ATP13A5: variants seen among roughly 807,000 people sequenced by gnomAD.
ATP13A5 encodes the protein probable cation-transporting ATPase 13A5.
Under a neutral mutation model 150.2 loss-of-function variants are expected in ATP13A5, and 149 were observed. The ratio of observed to expected loss-of-function variants is 0.99; its 90% CI spans 0.87 to 1.14. The LOEUF (loss-of-function observed/expected upper bound fraction) is 1.14, where lower values mean the gene tolerates loss of function less well. Among genes scored for constraint, ATP13A5 ranks in the 50% most tolerant of loss-of-function variants. The pLI is 0.00. For missense variants in ATP13A5, 1,383 were observed against 1,449.3 expected, an observed-to-expected ratio of 0.95 and a Z score of 0.74; for synonymous variants, 497 against 522.2, an observed-to-expected ratio of 0.95 and a Z score of 0.66.
chr3:193,332,861 A>C (rs1316351287), intron 11 of ATP13A5, among the ~76,000 whole-genome samples: 1 of 152,082 alleles, frequency 6.6e-6, no homozygotes, highest in Non-Finnish European at 1.5e-5. Context: ...AAATACTGCC[A>C]GGGCTTCCAT....
chr3:193,338,764 G>A (rs998515633), intron 9 of ATP13A5, among the ~76,000 whole-genome samples: 4 of 152,136 alleles, frequency 2.6e-5, no homozygotes, highest in African/African-American at 9.7e-5. Flanking sequence ...GAGTTAGGGA[G>A]GATTCCCTCT....
intron 7 of ATP13A5, among the ~76,000 whole-genome samples, chr3:193,349,067 C>A (rs1712464350): frequency 6.6e-6 from 1 of 152,128 alleles, no homozygotes; most frequent in African/African-American, 2.4e-5. Flanking sequence ...AATGTGGGCG[C>A]CTATTGTAAA....
chr3:193,305,401 T>C lies in ATP13A5; in HGVS notation c.2678+158A>G, dbSNP rs184532214. Among the ~76,000 whole-genome samples, 90 of 152,310 alleles carry C rather than the reference T, an allele frequency of 5.9e-4. 1 individual carries two copies. The highest frequency in any genetic ancestry group is 5.9e-3 in the Admixed American group (90 of 15,296). On this transcript the variant is annotated intron_variant, in intron 23 of 29. Transcript: ENST00000342358. ...TTTCTGTGGCTTTTACCAGCACTCT[T>C]GAGTAACACTAATGGCCCCCTTCAT... is the stretch of plus-strand genomic sequence containing the variant.
chr3:193,280,680 G>T (rs1244504668), intron 27 of ATP13A5, among the ~76,000 whole-genome samples: 1 of 152,152 alleles, frequency 6.6e-6, no homozygotes, highest in Non-Finnish European at 1.5e-5. Flanking sequence ...TCCTCTGTCA[G>T]AGCCTTTAGC....
chr3:193,367,997 G>A (rs1713295397), intron 1 of ATP13A5, among the ~76,000 whole-genome samples: 2 of 150,934 alleles, frequency 1.3e-5, no homozygotes, highest in South Asian at 2.1e-4. Flanking sequence ...AAAGGGAAGG[G>A]GAGGGGAGGG....
At chr3:193,307,390 A>C (rs1577339408) in intron 21 of ATP13A5, 21 bp from the exon 22 acceptor site, 1 of 1,613,350 alleles carries the variant, frequency 6.2e-7, no homozygotes, top group Middle Eastern at 1.7e-4. Flanking sequence ...CAGGAGAAGA[A>C]GGATTAATAG....
At position 193,274,880 on chromosome 3, in the gene ATP13A5, C is replaced by G. The variant is rs1446980779; in HGVS notation, c.*162G>C. 1 of 948,506 alleles carries G rather than the reference C, an allele frequency of 1.1e-6. No homozygotes were observed. The highest frequency in any genetic ancestry group is 1.6e-6 in the Non-Finnish European group (1 of 626,816). 58.8% of individuals were successfully genotyped at this position (948,506 alleles called of 1,614,324 possible). ...GGTAAAGCATACAGTCAGAATAAGC[C>G]TATCTAAGGTCCCTTGCTGCAAGGT... On this transcript the variant is annotated 3_prime_UTR_variant, in exon 30 of 30. Transcript: ENST00000342358.
intron 7 of ATP13A5, among the ~76,000 whole-genome samples, chr3:193,348,285 T>C (rs1030140924): frequency 3.3e-5 from 5 of 152,312 alleles, no homozygotes; most frequent in Admixed American, 2.6e-4. Context: ...TTGCATATCG[T>C]TATTATTCAG....
chr3:193,362,702 G>A lies in ATP13A5; in HGVS notation c.385-65C>T. 5.6e-6 allele frequency: 8 copies of A among 1,430,444 alleles called. No homozygotes were observed. The South Asian group carries it at 8.0e-5, about 14-fold the overall frequency. 88.6% of individuals were successfully genotyped at this position (1,430,444 alleles called of 1,614,324 possible). ...CATAAAGCTCACTGGGAGAGGGAGTGGTGTCCAATGCAGGATGCAGATCCC... is the reference window on the plus strand; with the variant it reads ...CATAAAGCTCACTGGGAGAGGGAGTAGTGTCCAATGCAGGATGCAGATCCC... On this transcript the variant is annotated intron_variant, in intron 3 of 29. Coordinates refer to ENST00000342358, the MANE Select transcript of ATP13A5 (RefSeq NM_198505.4).
At chr3:193,288,505 G>T (rs1252666380) in intron 26 of ATP13A5, among the ~76,000 whole-genome samples, 2 of 151,992 alleles carry the variant, frequency 1.3e-5, no homozygotes, top group African/African-American at 4.8e-5. Flanking sequence ...ATGATCATTA[G>T]AATTTTTTAG....
intron 1 of ATP13A5, among the ~76,000 whole-genome samples, chr3:193,373,217 C>A (rs765444501): frequency 6.6e-6 from 1 of 152,182 alleles, no homozygotes; most frequent in African/African-American, 2.4e-5. Flanking sequence ...CGGCTCACTG[C>A]AACCTCTGCC....
Position 193,366,007 on chromosome 3 carries a change from C to G in ATP13A5, c.64-1727G>C, listed in dbSNP as rs140677759. Reference sequence around the variant, plus strand: ...AGTAATTCTTCATTTGAAAATATGCCCTAATGAAATAATATCTAAATGAGA... The same window carrying G: ...AGTAATTCTTCATTTGAAAATATGCGCTAATGAAATAATATCTAAATGAGA... On this transcript the variant is annotated intron_variant, in intron 1 of 29. Transcript: ENST00000342358. 5.7e-4 allele frequency among the ~76,000 whole-genome samples: 86 copies of G among 151,954 alleles called. No individual in the cohort carries two copies. In the East Asian group the frequency reaches 0.017, roughly 29 times the overall value.
At position 193,314,095 on chromosome 3, in the gene ATP13A5, A is replaced by G. The variant is rs1560127973; in HGVS notation, c.2257T>C (p.Phe753Leu). Reference sequence around the variant, plus strand: ...TGCCAGGTCACAGAGGCAGGAACAAATTCTTCTGGTTCATCGGCCTCAACA... The same window carrying G: ...TGCCAGGTCACAGAGGCAGGAACAAGTTCTTCTGGTTCATCGGCCTCAACA... ...IIVEADEPEE[F>L]VPASVTWQLV... Residue 753 changes from phenylalanine (F) to leucine (L), a missense_variant, in exon 19 of 30, where the codon TTT becomes CTT. Physicochemically the swap from Phe to Leu is conservative, Grantham distance 22. Coordinates refer to ENST00000342358, the MANE Select transcript of ATP13A5 (RefSeq NM_198505.4). 1 of 1,613,930 alleles carries G rather than the reference A, an allele frequency of 6.2e-7. No individual in the cohort carries two copies. Among genetic ancestry groups the G allele is most frequent in the Admixed American group, 1.7e-5 (1 of 60,014 alleles).
chr3:193,299,207 A>G lies in ATP13A5; in HGVS notation c.2776-4T>C. The G allele has an allele frequency of 6.2e-7, 1 of 1,603,382 alleles. No individual in the cohort carries two copies. ...AATTTCCAAAGAGTTGTAGTTGCTG[A>G]AAAAGAAACAAAAGCAAATATAAAT... On this transcript the variant is annotated splice_polypyrimidine_tract_variant and splice_region_variant and intron_variant, in intron 24 of 29. Coordinates refer to ENST00000342358, the MANE Select transcript of ATP13A5 (RefSeq NM_198505.4).
chr3:193,364,665 C>T (rs2108581177), intron 1 of ATP13A5, among the ~76,000 whole-genome samples: 1 of 151,984 alleles, frequency 6.6e-6, no homozygotes, highest in African/African-American at 2.4e-5. Flanking sequence ...AAAATTCCTA[C>T]AATATGAATT....
chr3:193,284,374 T>C (rs1311258336), intron 27 of ATP13A5, among the ~76,000 whole-genome samples: 1 of 152,118 alleles, frequency 6.6e-6, no homozygotes, highest in Non-Finnish European at 1.5e-5. Context: ...TAAAAAACTC[T>C]ACTTAAATTA....
At chr3:193,325,871 C>A (rs1208511717) in intron 13 of ATP13A5, among the ~76,000 whole-genome samples, 1 of 152,164 alleles carries the variant, frequency 6.6e-6, no homozygotes, top group Non-Finnish European at 1.5e-5. Context: ...GTACCAGAGA[C>A]AAGGGAGGAA....
chr3:193,288,859 T>A (rs1717830351), intron 26 of ATP13A5, among the ~76,000 whole-genome samples: 2 of 152,052 alleles, frequency 1.3e-5, no homozygotes, highest in Non-Finnish European at 2.9e-5. Flanking sequence ...GTATGGCACA[T>A]CTAGTTAGTG....
chr3:193,346,820 A>C (rs550993360), intron 7 of ATP13A5, among the ~76,000 whole-genome samples: 19 of 152,244 alleles, frequency 1.2e-4, no homozygotes, highest in East Asian at 9.7e-4. Context: ...GGAAGAAGCG[A>C]TAGTACTGTT....
Sources: allele counts gnomAD v4.1 joint callset (sites outside exome capture counted in the v4.1 genomes callset), GRCh38; gene constraint gnomAD v4.1.1; transcripts MANE v1.5; gene names NCBI Gene and HGNC (gene_info 2026-07-23, HGNC 2026-07-21).